The following DMD variants were observed in gnomAD, a reference collection of about 807,000 sequenced individuals.
The protein encoded by DMD is dystrophin.
DMD carries 63 observed loss-of-function variants against 330.1 expected under a neutral mutation model. The observed-to-expected ratio is 0.19, with a 90% CI of 0.16 to 0.24. The LOEUF is 0.24. DMD is among the 10% of genes least tolerant of loss of function. The pLI, the probability that DMD is intolerant of heterozygous loss-of-function variation, is 1.00. For missense variants in DMD, 3,344 were observed against 2,684.1 expected (o/e 1.25, Z -5.43); for synonymous variants, 1,223 against 959.8 (o/e 1.27, Z -5.07).
intron 44 of DMD, among the ~76,000 whole-genome samples, chrX:32,069,648 T>G (rs903542926): frequency 8.9e-6 from 1 of 112,087 alleles, no homozygotes; most frequent in African/African-American, 3.2e-5. Flanking sequence ...GATTAATGAC[T>G]GCATACAATT....
chrX:31,648,343 T>C (rs899950840), intron 54 of DMD, among the ~76,000 whole-genome samples: 1 of 109,414 alleles, frequency 9.1e-6, no homozygotes, highest in Non-Finnish European at 1.9e-5. Flanking sequence ...AATACCAAAA[T>C]AGAAAATCAA....
rs1027495014 is a variant in DMD, at chrX:32,640,760, A to G, written c.1331+3372T>C. Among the ~76,000 whole-genome samples, 5 of 111,628 alleles carry G rather than the reference A, an allele frequency of 4.5e-5. No homozygotes were observed. In the Admixed American group the frequency reaches 4.7e-4, roughly 11 times the overall value. On this transcript the variant is annotated intron_variant, in intron 11 of 78. Coordinates refer to ENST00000357033, the MANE Select transcript of DMD (RefSeq NM_004006.3). ...TTAACTGGCCAACTTCACTGGCCTA[A>G]TAACTGTCCTCTCTTCCTCCAGTGG...
chrX:32,499,803 C>G (rs1396472111), intron 19 of DMD, among the ~76,000 whole-genome samples: 1 of 111,118 alleles, frequency 9.0e-6, no homozygotes, highest in African/African-American at 3.3e-5. Context: ...TGAAATACAC[C>G]TGAAGGGGTA....
chrX:31,682,666 A>AATACAGT (rs1881855823), intron 52 of DMD, among the ~76,000 whole-genome samples: 2 of 112,228 alleles, frequency 1.8e-5, no homozygotes, highest in Admixed American at 1.9e-4. Flanking sequence ...ATTTGAAAAT[A>AATACAGT]ATACAGTTGA....
At chrX:31,644,418 G>A (rs942320636) in intron 54 of DMD, among the ~76,000 whole-genome samples, 2 of 111,703 alleles carry the variant, frequency 1.8e-5, no homozygotes, top group African/African-American at 6.5e-5. Context: ...ACACAAACTG[G>A]TGTTTTGAGC....
rs1284168797 is a variant in DMD at position 31,120,117 on chromosome X, T to C, written c.*1802A>G. On this transcript the variant is annotated 3_prime_UTR_variant, in exon 79 of 79. Coordinates refer to ENST00000357033, the MANE Select transcript of DMD (RefSeq NM_004006.3). ...AGCTAATTACACTTGATGTCAGAGG[T>C]AACAGATTTGCAAAATTATAGGTCA... 1 of 110,908 alleles carries C rather than the reference T, an allele frequency of 9.0e-6. No homozygotes were observed. Among genetic ancestry groups the C allele is most frequent in the East Asian group, 2.8e-4 (1 of 3,583 alleles). 9.1% of individuals were successfully genotyped at this position (110,908 alleles called of 1,213,427 possible).
At position 32,468,356 on chromosome X, in the gene DMD, A is replaced by G. The variant is rs912521804; in HGVS notation, c.3162+142T>C. On this transcript the variant is annotated intron_variant, in intron 23 of 78. Transcript: ENST00000357033. ...ATAAGCAAATCGCCATCCTTTGTAA[A>G]AGACTCATGTCTTTTCATCTTCTCA... The G allele has an allele frequency of 1.8e-5, 9 of 511,900 alleles. No homozygotes were observed. The African/African-American group carries it at 2.1e-4, about 12-fold the overall frequency. 42.2% of individuals were successfully genotyped at this position (511,900 alleles called of 1,213,427 possible).
chrX:33,122,504 T>C (rs1332600931), intron 1 of DMD, among the ~76,000 whole-genome samples: 2 of 112,263 alleles, frequency 1.8e-5, no homozygotes, highest in Admixed American at 9.5e-5. Flanking sequence ...CTCATTTTTA[T>C]TGGAAAGTAA....
intron 41 of DMD, among the ~76,000 whole-genome samples, chrX:32,331,949 A>C (rs190958717): frequency 9.0e-6 from 1 of 111,709 alleles, no homozygotes; most frequent in East Asian, 2.8e-4. Context: ...ATGTTCATAT[A>C]GTTTCTTACT....
chrX:32,176,945 A>G (rs2096908728), intron 44 of DMD, among the ~76,000 whole-genome samples: 1 of 111,335 alleles, frequency 9.0e-6, no homozygotes, highest in Admixed American at 9.6e-5. Flanking sequence ...TCCAATACGT[A>G]CTTACTGATC....
chrX:32,388,341 C>CTTTTCTTTTTTTTTTTTTT (rs2097974500), intron 32 of DMD, among the ~76,000 whole-genome samples: 1 of 78,569 alleles, frequency 1.3e-5, no homozygotes, highest in African/African-American at 5.7e-5. Context: ...TTATGCTTTC[C>CTTTTCTTTTTTTTTTTTTT]TTTTTTTTTT....
intron 7 of DMD, among the ~76,000 whole-genome samples, chrX:32,716,568 C>A (rs1281675700): frequency 1.8e-5 from 2 of 110,785 alleles, no homozygotes; most frequent in East Asian, 2.8e-4. Flanking sequence ...AAATTGGTAC[C>A]GAGAGGTAGG....
chrX:33,089,583 C>T (rs2095057894), intron 1 of DMD, among the ~76,000 whole-genome samples: 2 of 110,476 alleles, frequency 1.8e-5, no homozygotes, highest in South Asian at 3.8e-4. Flanking sequence ...ATGTGACTCT[C>T]GGAAAAATTT....
chrX:32,412,091 G>C (rs1353763577), intron 29 of DMD, 178 bp from the exon 30 acceptor site: 1 of 1,172,562 alleles, frequency 8.5e-7, no homozygotes. Context: ...ATGTGAAGGA[G>C]AAAAATAAAT....
chrX:32,057,233 C>T (rs2096183304), intron 44 of DMD, among the ~76,000 whole-genome samples: 2 of 111,670 alleles, frequency 1.8e-5, no homozygotes. Context: ...ACTTTTGCCA[C>T]TTCTTTTCAA....
intron 26 of DMD, 37 bp from the exon 27 acceptor site, chrX:32,448,675 A>G: frequency 1.8e-6 from 2 of 1,098,229 alleles, no homozygotes; most frequent in South Asian, 4.1e-5. Flanking sequence ...TAGCATGAAA[A>G]TAACTTTACA....
intron 62 of DMD, among the ~76,000 whole-genome samples, chrX:31,318,041 T>C (rs996052540): frequency 8.9e-6 from 1 of 112,143 alleles, no homozygotes; most frequent in African/African-American, 3.2e-5. Context: ...AAAACTTGAA[T>C]TGGAGCAATG....
intron 29 of DMD, among the ~76,000 whole-genome samples, chrX:32,435,921 G>A (rs1007390162): frequency 8.9e-6 from 1 of 111,819 alleles, no homozygotes; most frequent in Non-Finnish European, 1.9e-5. Flanking sequence ...AAGTTTAGTA[G>A]CATCCACTAC....
intron 48 of DMD, among the ~76,000 whole-genome samples, chrX:31,845,544 G>A (rs924978534): frequency 9.1e-6 from 1 of 109,818 alleles, no homozygotes; most frequent in Non-Finnish European, 1.9e-5. Context: ...TAACTCTAGC[G>A]GCAGATTGGA....
Sources: allele counts gnomAD v4.1 joint callset (sites outside exome capture counted in the v4.1 genomes callset), GRCh38; gene constraint gnomAD v4.1.1; transcripts MANE v1.5; gene names NCBI Gene and HGNC (gene_info 2026-07-23, HGNC 2026-07-21).